The following SLC5A11 variants were observed in gnomAD, a reference collection of about 807,000 sequenced individuals.
The protein encoded by SLC5A11 is solute carrier family 5 member 11.
Under a neutral mutation model 69.8 loss-of-function variants are expected in SLC5A11, and 48 were observed. That is an observed-to-expected ratio of 0.69 (90% confidence interval 0.55 to 0.87). SLC5A11 has a LOEUF of 0.87. SLC5A11 is among the 40% of genes least tolerant of loss of function. The pLI, the probability that SLC5A11 is intolerant of heterozygous loss-of-function variation, is 0.00. For synonymous variants in SLC5A11, 319 were observed against 342.4 expected (o/e 0.93, Z 0.75); for missense variants, 784 against 866.1 (o/e 0.91, Z 1.19).
At chr16:24,858,690 T>C (rs1245394268) in exon 2 of SLC5A11, 6 of 1,611,758 alleles carry the variant, frequency 3.7e-6, no homozygotes, top group Non-Finnish European at 2.5e-6. Context: ...TTAGATCCCC[T>C]GGATGCGTTT....
chr16:24,865,335 C>A (rs1319822043), intron 3 of SLC5A11, among the ~76,000 whole-genome samples: 2 of 152,084 alleles, frequency 1.3e-5, no homozygotes, highest in Admixed American at 6.6e-5. Context: ...CCAAAGCAGG[C>A]GGATCACTTG....
chr16:24,865,107 T>C (rs533285517), intron 3 of SLC5A11, among the ~76,000 whole-genome samples: 188 of 152,194 alleles, frequency 1.2e-3, no homozygotes, highest in African/African-American at 4.4e-3. Context: ...TGGTTTAAAA[T>C]TGACTAAATT....
chr16:24,863,911 C>T (rs369749640), intron 3 of SLC5A11, among the ~76,000 whole-genome samples: 81 of 152,264 alleles, frequency 5.3e-4, no homozygotes, highest in Middle Eastern at 6.8e-3. Flanking sequence ...CTGTTTTACC[C>T]GTCACCTGTT....
intron 8 of SLC5A11, among the ~76,000 whole-genome samples, chr16:24,888,152 G>A (rs2048507880): frequency 6.6e-6 from 1 of 152,086 alleles, no homozygotes; most frequent in Admixed American, 6.6e-5. Context: ...ACAAAAATAT[G>A]TATAAAAGCG....
rs2047815061 is a variant in SLC5A11 at position 24,878,275 on chromosome 16, A to G, written c.583+912A>G. Among the ~76,000 whole-genome samples, 3 of 152,386 alleles carry G rather than the reference A, an allele frequency of 2.0e-5. No individual in the cohort carries two copies. In the South Asian group the frequency reaches 6.2e-4, roughly 32 times the overall value. On this transcript the variant is annotated intron_variant, in intron 7 of 15. Coordinates refer to ENST00000347898, the Ensembl canonical transcript of SLC5A11. ...TAACTGCTGAGCCATGTGCACTCAC[A>G]GGCACAATACAAGGCTGGATAATAA...
intron 10 of SLC5A11, 120 bp from the exon 12 acceptor site, chr16:24,906,536 CT>C: frequency 1.9e-6 from 1 of 524,562 alleles, no homozygotes; most frequent in South Asian, 4.1e-5. Flanking sequence ...AGTCTAGACT[CT>C]TTTTTATTTC....
chr16:24,877,815 C>A (rs2047779188), intron 7 of SLC5A11, among the ~76,000 whole-genome samples: 2 of 152,220 alleles, frequency 1.3e-5, no homozygotes, highest in South Asian at 4.1e-4. Context: ...AAAACCCCAT[C>A]TCTACTAAAA....
intron 5 of SLC5A11, 86 bp downstream of exon 6, chr16:24,872,305 C>T (rs1438172610): frequency 3.4e-6 from 5 of 1,463,386 alleles, no homozygotes; most frequent in East Asian, 2.3e-5. Flanking sequence ...TCCCGCCATC[C>T]CTCCCTCCTG....
chr16:24,858,622 T>G lies in SLC5A11; in HGVS notation c.-22T>G, dbSNP rs567813980. 1.8e-5 allele frequency: 28 copies of G among 1,595,762 alleles called. No individual in the cohort carries two copies. The East Asian group carries it at 2.9e-4, about 17-fold the overall frequency. ...GACTGGCATTTGCCCTTCCTCAGGA[T>G]CCAGAGGTCTCGTTCAGGACCATGG... is the stretch of plus-strand genomic sequence containing the variant. On this transcript the variant is annotated splice_region_variant and 5_prime_UTR_variant, in exon 2 of 16. Coordinates refer to ENST00000347898, the Ensembl canonical transcript of SLC5A11.
chr16:24,888,820 G>A lies in SLC5A11; in HGVS notation c.665-2049G>A, dbSNP rs139619398. ...TTTTTTTTTTTTTTTTTTCTGAGAC[G>A]GAGTCTGGCTCTGTTGCCCAGGCTG... is the stretch of plus-strand genomic sequence containing the variant. On this transcript the variant is annotated intron_variant, in intron 8 of 15. Transcript: ENST00000347898. 2.2e-3 allele frequency among the ~76,000 whole-genome samples: 242 copies of A among 107,780 alleles called. 1 individual carries two copies. Among genetic ancestry groups the A allele is most frequent in the African/African-American group, 7.7e-3 (222 of 28,694 alleles). The allele number at this position is 107,780 out of a possible 152,430, so 70.7% of individuals were successfully genotyped here. A position where few individuals can be genotyped will look rare whatever the true frequency, so the allele number is the denominator to read the frequency against.
Position 24,898,134 on chromosome 16 carries a change from G to A in SLC5A11, c.1006+25G>A, listed in dbSNP as rs1203505230. 7 of 1,611,560 alleles carry A rather than the reference G, an allele frequency of 4.3e-6. No individual in the cohort carries two copies. The East Asian group carries it at 8.9e-5, about 21-fold the overall frequency. ...GGTGAGAACACAGCTGGGGGAAGAG[G>A]TCATTGGTATGTGAGTCTCAGACCA... On this transcript the variant is annotated intron_variant, in intron 10 of 15. Coordinates refer to ENST00000347898, the Ensembl canonical transcript of SLC5A11.
At chr16:24,885,669 A>G (rs867960710) in intron 8 of SLC5A11, among the ~76,000 whole-genome samples, 22 of 151,458 alleles carry the variant, frequency 1.5e-4, no homozygotes, top group Non-Finnish European at 2.7e-4. Flanking sequence ...AAAAAAAAAA[A>G]AAAAAAAAAA....
Position 24,885,830 on chromosome 16 carries a change from A to C in SLC5A11, c.664+1699A>C, listed in dbSNP as rs536250148. On this transcript the variant is annotated intron_variant, in intron 8 of 15. Transcript: ENST00000347898. Reference sequence around the variant, plus strand: ...ATGCTTGGAATCCTGAACTCTATGAAACATGTATGAAAGATAGAAGTAGAG... The same window carrying C: ...ATGCTTGGAATCCTGAACTCTATGACACATGTATGAAAGATAGAAGTAGAG... Among the ~76,000 whole-genome samples, 104 of 152,180 alleles carry C rather than the reference A, an allele frequency of 6.8e-4. 2 individuals carry two copies. Among genetic ancestry groups the C allele is most frequent in the Admixed American group, 6.8e-3 (104 of 15,260 alleles).
At chr16:24,872,209 T>C (rs781697383) in exon 5 of SLC5A11, 3 of 1,614,152 alleles carry the variant, frequency 1.9e-6, no homozygotes, top group Admixed American at 3.3e-5. Flanking sequence ...CCCATCTACA[T>C]TGCTGGTCAG....
At chr16:24,856,004 C>G (rs1270078702) in intron 1 of SLC5A11, among the ~76,000 whole-genome samples, 4 of 152,194 alleles carry the variant, frequency 2.6e-5, no homozygotes, top group Non-Finnish European at 5.9e-5. Flanking sequence ...CAAGGCTGCC[C>G]CCTGTCTGAT....
At chr16:24,908,782 G>A (rs2050269518) in intron 13 of SLC5A11, 99 bp from the exon 15 acceptor site, 1 of 1,106,060 alleles carries the variant, frequency 9.0e-7, no homozygotes, top group African/African-American at 1.6e-5. Flanking sequence ...TGCTTGCAGT[G>A]ACCACCACAA....
intron 3 of SLC5A11, among the ~76,000 whole-genome samples, chr16:24,868,286 C>CAA (rs1454474412): frequency 7.4e-6 from 1 of 134,374 alleles, no homozygotes; most frequent in African/African-American, 2.8e-5. Context: ...ACAGATTCTT[C>CAA]CAAAAAAAAA....
chr16:24,892,963 T>C (rs2048912832), intron 9 of SLC5A11, among the ~76,000 whole-genome samples: 1 of 151,964 alleles, frequency 6.6e-6, no homozygotes, highest in Non-Finnish European at 1.5e-5. Context: ...CGGGCTAACA[T>C]CATGGGCTTT....
In SLC5A11 at chr16:24,901,351, A is replaced by C. The variant is rs2049576030; in HGVS notation, c.1006+3242A>C. 3.3e-5 allele frequency among the ~76,000 whole-genome samples: 5 copies of C among 152,242 alleles called. No individual in the cohort carries two copies. The South Asian group carries it at 1.0e-3, about 31-fold the overall frequency. ...TTCATTTGGCCAGGAGCAATGGCTCACACCTATAATCCCAGAAATTTGGGA... is the reference window on the plus strand; with the variant it reads ...TTCATTTGGCCAGGAGCAATGGCTCCCACCTATAATCCCAGAAATTTGGGA... On this transcript the variant is annotated intron_variant, in intron 10 of 15. Transcript: ENST00000347898.
Sources: gnomAD v4.1 joint callset for allele counts (sites outside exome capture counted in the v4.1 genomes callset) on GRCh38, gnomAD v4.1.1 for gene constraint, MANE v1.5 for transcripts, NCBI Gene and HGNC (gene_info 2026-07-23, HGNC 2026-07-21) for gene names.